The following ZNF91 variants were observed in gnomAD, a reference collection of about 807,000 sequenced individuals.
The protein encoded by ZNF91 is zinc finger protein 91.
ZNF91 carries 7 observed loss-of-function variants against 12.6 expected under a neutral mutation model. The observed-to-expected ratio is 0.55, with a 90% CI of 0.31 to 1.04. The LOEUF is 1.04. ZNF91 is among the 50% of genes least tolerant of loss of function. ZNF91 has a pLI of 0.05. For missense variants in ZNF91, 1,217 were observed against 1,385.4 expected, an observed-to-expected ratio of 0.88 and a Z score of 1.93; for synonymous variants, 453 against 462.6, an observed-to-expected ratio of 0.98 and a Z score of 0.27.
intron 1 of ZNF91, among the ~76,000 whole-genome samples, chr19:23,378,578 G>T (rs1428267400): frequency 6.6e-6 from 1 of 152,038 alleles, no homozygotes. Context: ...ATCCCTTAAG[G>T]TTTTCTAGAA....
At chr19:23,347,974 G>A (rs1289877747) in intron 3 of ZNF91, among the ~76,000 whole-genome samples, 1 of 152,156 alleles carries the variant, frequency 6.6e-6, no homozygotes, top group Non-Finnish European at 1.5e-5. Context: ...CTCTCAACAT[G>A]CATATAATTC....
At chr19:23,384,681 C>G in intron 1 of ZNF91, 2 of 577,194 alleles carry the variant, frequency 3.5e-6, no homozygotes, top group South Asian at 4.1e-5. Context: ...CCAAGCATGA[C>G]GTCTTTGGAG....
chr19:23,354,743 C>T (rs1488573882), downstream of ZNF91, among the ~76,000 whole-genome samples: 2 of 152,074 alleles, frequency 1.3e-5, no homozygotes, highest in East Asian at 3.9e-4. Flanking sequence ...CAGAAAGCTC[C>T]TAGAACTGAT....
intron 1 of ZNF91, among the ~76,000 whole-genome samples, chr19:23,391,764 CTGAGG>C (rs913405902): frequency 2.6e-5 from 4 of 152,056 alleles, no homozygotes; most frequent in African/African-American, 4.8e-5. Context: ...TCTTCCATAG[CTGAGG>C]TGAGCAAGCT....
chr19:23,317,898 T>C (rs1375378155), intron 1 of ZNF91, among the ~76,000 whole-genome samples: 1 of 152,224 alleles, frequency 6.6e-6, no homozygotes, highest in Non-Finnish European at 1.5e-5. Context: ...TTGGGTCATG[T>C]GCAAGAATTT....
At position 23,359,537 on chromosome 19, in the gene ZNF91, T is replaced by C. The variant is rs370370478; in HGVS notation, c.3442A>G (p.Ile1148Val). 8.1e-6 allele frequency: 13 copies of C among 1,613,748 alleles called. No homozygotes were observed. In the East Asian group the frequency reaches 8.9e-5, roughly 11 times the overall value. ...TGAATTTTCTTATGGTTAGTAAGGA[T>C]TGAAGACTGGTTAAAGGCTTTGCCA... ...KCGKAFNQSS[I>V]LTNHKKIHTI... Residue 1148 changes from isoleucine to valine, a missense_variant, in exon 4 of 4, where the codon ATC (isoleucine) becomes GTC (valine). Ile to Val is a conservative substitution (Grantham distance 29, BLOSUM62 3). Transcript: ENST00000300619.
chr19:23,317,483 T>A (rs1447471621), intron 1 of ZNF91, among the ~76,000 whole-genome samples: 1 of 152,066 alleles, frequency 6.6e-6, no homozygotes, highest in Non-Finnish European at 1.5e-5. Flanking sequence ...AGCAGGGAGA[T>A]CTCAGAGCAT....
At chr19:23,393,259 T>G (rs1478175835) in intron 1 of ZNF91, among the ~76,000 whole-genome samples, 4 of 152,132 alleles carry the variant, frequency 2.6e-5, no homozygotes, top group Admixed American at 1.3e-4. Flanking sequence ...GCAATATTAA[T>G]GTCTCAAGGA....
intron 1 of ZNF91, among the ~76,000 whole-genome samples, chr19:23,390,734 T>A (rs541141069): frequency 6.6e-6 from 1 of 150,592 alleles, no homozygotes; most frequent in Non-Finnish European, 1.5e-5. Context: ...TTTTTCTTAT[T>A]GTATTTTTTT....
chr19:23,344,269 T>A (rs1408699730), intron 3 of ZNF91, among the ~76,000 whole-genome samples: 2 of 152,046 alleles, frequency 1.3e-5, no homozygotes, highest in African/African-American at 4.8e-5. Context: ...TAATTTTTTA[T>A]ATTTTTATTA....
At position 23,361,111 on chromosome 19, in the gene ZNF91, A is replaced by G; in HGVS notation, c.1868T>C (p.Ile623Thr). ...TTTGTAGGGTTTCTCTCCAGTGTGT[A>G]TCCTCTTATGTCTTCTTAGGGTTGA... ...WSSTLRRHKR[I>T]HTGEKPYKCE... is the part of the protein sequence containing the mutation. The change falls in exon 4 of 4, where the codon ATA becomes ACA. Residue 623 changes from isoleucine (I) to threonine (T), a missense_variant. This residue lies in a region of ZNF91 where 726 missense variants were observed against 895.5 expected (regional missense o/e 0.81). Coordinates refer to ENST00000300619, the MANE Select transcript of ZNF91 (RefSeq NM_003430.4). 6.2e-7 allele frequency: 1 copy of G among 1,613,832 alleles called. No homozygotes were observed. Among genetic ancestry groups the G allele is most frequent in the South Asian group, 1.1e-5 (1 of 91,074 alleles).
intron 1 of ZNF91, among the ~76,000 whole-genome samples, chr19:23,393,512 C>G (rs376307613): frequency 7.2e-5 from 11 of 152,238 alleles, no homozygotes; most frequent in African/African-American, 2.6e-4. Flanking sequence ...TCACCCTATA[C>G]AGTTTCCAAA....
At chr19:23,350,658 C>G (rs1968339569) in intron 3 of ZNF91, among the ~76,000 whole-genome samples, 2 of 152,150 alleles carry the variant, frequency 1.3e-5, no homozygotes, top group African/African-American at 4.8e-5. Flanking sequence ...TGAATAACTT[C>G]TCCCTCCTCA....
At chr19:23,365,878 T>G (rs1968984257) in intron 3 of ZNF91, among the ~76,000 whole-genome samples, 1 of 152,038 alleles carries the variant, frequency 6.6e-6, no homozygotes, top group African/African-American at 2.4e-5. Flanking sequence ...GAGCACAGGG[T>G]TGGGGGTAAG....
At chr19:23,309,800 G>A (rs1486782163) in intron 1 of ZNF91, among the ~76,000 whole-genome samples, 1 of 152,150 alleles carries the variant, frequency 6.6e-6, no homozygotes, top group East Asian at 1.9e-4. Flanking sequence ...CTCGCATATT[G>A]TATAAAGCCC....
intron 1 of ZNF91, among the ~76,000 whole-genome samples, chr19:23,391,537 T>C (rs1230665453): frequency 2.0e-5 from 3 of 152,168 alleles, no homozygotes; most frequent in Non-Finnish European, 4.4e-5. Context: ...TCTTTAAAAA[T>C]CTTATAGTCA....
chr19:23,373,364 A>G (rs898247872), intron 3 of ZNF91, among the ~76,000 whole-genome samples: 2 of 126,712 alleles, frequency 1.6e-5, no homozygotes, highest in South Asian at 5.5e-4. Context: ...ATATATATAT[A>G]TATATATATA....
At chr19:23,333,922 C>T (rs1967963952), downstream of ZNF91, among the ~76,000 whole-genome samples, 2 of 152,220 alleles carry the variant, frequency 1.3e-5, no homozygotes, top group South Asian at 4.1e-4. Context: ...GATTGGGAAC[C>T]ATTTTTTGAT....
At chr19:23,343,700 C>T (rs1350411750) in intron 3 of ZNF91, among the ~76,000 whole-genome samples, 2 of 152,238 alleles carry the variant, frequency 1.3e-5, no homozygotes, top group African/African-American at 2.4e-5. Context: ...AGTAAAGCCG[C>T]TGACCCTGCA....
Sources: gnomAD v4.1 joint callset for allele counts (sites outside exome capture counted in the v4.1 genomes callset) on GRCh38, gnomAD v4.1.1 for gene constraint, gnomAD v4.1.1 regional missense constraint, MANE v1.5 for transcripts, NCBI Gene and HGNC (gene_info 2026-07-23, HGNC 2026-07-21) for gene names.